Variants in PRKG1 observed in about 807,000 individuals in gnomAD.
PRKG1 encodes the protein protein kinase cGMP-dependent 1.
A neutral mutation model predicts 88.1 loss-of-function variants in PRKG1; 35 were observed. The ratio of observed to expected loss-of-function variants is 0.40; its 90% CI spans 0.30 to 0.53. The LOEUF is 0.53. Among genes scored for constraint, PRKG1 ranks in the 20% least tolerant of loss-of-function variants. PRKG1 has a pLI of 0.59. For missense variants in PRKG1, 540 were observed against 839.8 expected, an observed-to-expected ratio of 0.64 and a Z score of 4.41; for synonymous variants, 303 against 292.5, an observed-to-expected ratio of 1.04 and a Z score of -0.37.
At chr10:51,432,479 A>G (rs1191738142) in intron 2 of PRKG1, among the ~76,000 whole-genome samples, 1 of 152,176 alleles carries the variant, frequency 6.6e-6, no homozygotes, top group African/African-American at 2.4e-5. Context: ...TAAAGCACAC[A>G]AAAAAGTTGA....
At chr10:51,928,493 T>C (rs759941390) in intron 5 of PRKG1, among the ~76,000 whole-genome samples, 12 of 152,206 alleles carry the variant, frequency 7.9e-5, no homozygotes, top group African/African-American at 1.9e-4. Context: ...AAAGAAGCTA[T>C]TTGTAAGAAC....
chr10:51,845,867 G>A (rs1429105556), intron 4 of PRKG1, among the ~76,000 whole-genome samples: 2 of 151,988 alleles, frequency 1.3e-5, no homozygotes, highest in Non-Finnish European at 2.9e-5. Flanking sequence ...ACATGTTTGA[G>A]GTCCCCACAT....
intron 8 of PRKG1, among the ~76,000 whole-genome samples, chr10:52,134,368 C>A (rs1423001004): frequency 6.6e-6 from 1 of 152,068 alleles, no homozygotes; most frequent in Non-Finnish European, 1.5e-5. Context: ...ATAATAGAAG[C>A]ATTTAGGGAA....
At chr10:51,828,445 T>C (rs1223770654) in intron 4 of PRKG1, among the ~76,000 whole-genome samples, 1 of 152,174 alleles carries the variant, frequency 6.6e-6, no homozygotes, top group Non-Finnish European at 1.5e-5. Flanking sequence ...CATTTAAAGT[T>C]GTGTTAGGAA....
At chr10:51,652,004 TTA>T (rs1840051362) in intron 3 of PRKG1, among the ~76,000 whole-genome samples, 2 of 152,192 alleles carry the variant, frequency 1.3e-5, no homozygotes, top group African/African-American at 4.8e-5. Flanking sequence ...ATTATTTAGT[TTA>T]GAGAAGAGAT....
At chr10:52,272,304 C>A in intron 11 of PRKG1, 88 bp from the exon 12 acceptor site, 1 of 1,027,620 alleles carries the variant, frequency 9.7e-7, no homozygotes. Flanking sequence ...CTTGGCAAAT[C>A]AAAACTATAA....
intron 1 of PRKG1, among the ~76,000 whole-genome samples, chr10:51,098,175 A>G (rs556055608): frequency 2.0e-5 from 3 of 152,160 alleles, no homozygotes; most frequent in Non-Finnish European, 4.4e-5. Flanking sequence ...GTTTATGAGC[A>G]TGGCCCTTGA....
At chr10:51,621,241 T>C (rs570471456) in intron 3 of PRKG1, among the ~76,000 whole-genome samples, 2 of 152,000 alleles carry the variant, frequency 1.3e-5, no homozygotes, top group African/African-American at 4.8e-5. Context: ...AATCACTTTT[T>C]CTTTGTTGGC....
intron 3 of PRKG1, among the ~76,000 whole-genome samples, chr10:51,671,976 G>T (rs2132350561): frequency 6.6e-6 from 1 of 152,284 alleles, no homozygotes; most frequent in Middle Eastern, 3.4e-3. Flanking sequence ...ACATTCTGAG[G>T]AAGGACATAA....
intron 3 of PRKG1, among the ~76,000 whole-genome samples, chr10:51,561,623 A>C (rs1837463780): frequency 6.6e-6 from 1 of 151,996 alleles, no homozygotes; most frequent in Admixed American, 6.6e-5. Context: ...ATACAGGTTT[A>C]AAGGAGGAGG....
chr10:51,907,624 G>T (rs1842114615), intron 5 of PRKG1, 54 bp downstream of exon 5: 1 of 1,496,948 alleles, frequency 6.7e-7, no homozygotes, highest in South Asian at 1.1e-5. Context: ...CTGCTTGGCT[G>T]GCTTCTTTCA....
Position 51,562,991 on chromosome 10 carries a change from GCTGGTCTCTAACTC to G in PRKG1, c.592+95164_592+95177del, listed in dbSNP as rs1241671916. ...GACAGGGTCTCATTATGTTGCCCAG[GCTGGTCTCTAACTC>G]CTGGTCTCAAGTGATCCTCCCACCT... On this transcript the variant is annotated intron_variant, in intron 3 of 17. Transcript: ENST00000373980. Among the ~76,000 whole-genome samples the G allele has an allele frequency of 2.0e-5, 3 of 151,926 alleles. No homozygotes were observed. The East Asian group carries it at 5.8e-4, about 29-fold the overall frequency.
intron 3 of PRKG1, among the ~76,000 whole-genome samples, chr10:51,632,415 A>T (rs1171610403): frequency 6.6e-6 from 1 of 152,086 alleles, no homozygotes; most frequent in Non-Finnish European, 1.5e-5. Flanking sequence ...AATAGGCTGA[A>T]TTTTTTCCAA....
intron 5 of PRKG1, among the ~76,000 whole-genome samples, chr10:52,050,082 A>C (rs1217319177): frequency 6.6e-6 from 1 of 151,882 alleles, no homozygotes; most frequent in African/African-American, 2.4e-5. Flanking sequence ...GGTGGTGGTA[A>C]GGGTGGGTAT....
At chr10:51,347,171 G>A (rs1842131960) in intron 2 of PRKG1, among the ~76,000 whole-genome samples, 2 of 151,286 alleles carry the variant, frequency 1.3e-5, no homozygotes, top group Admixed American at 6.6e-5. Flanking sequence ...GCACACCCCT[G>A]GATCAATAAG....
chr10:51,197,025 T>C (rs1837786355), intron 2 of PRKG1, among the ~76,000 whole-genome samples: 1 of 152,114 alleles, frequency 6.6e-6, no homozygotes, highest in Non-Finnish European at 1.5e-5. Context: ...CACTTATGCC[T>C]TTTCCTCAAT....
intron 4 of PRKG1, among the ~76,000 whole-genome samples, chr10:51,820,912 A>G (rs1276873532): frequency 6.6e-6 from 1 of 152,188 alleles, no homozygotes; most frequent in Non-Finnish European, 1.5e-5. Flanking sequence ...GTACAGATCA[A>G]TGAATGTTTA....
At chr10:51,742,860 G>A (rs777333517) in intron 3 of PRKG1, among the ~76,000 whole-genome samples, 4 of 152,112 alleles carry the variant, frequency 2.6e-5, no homozygotes, top group Non-Finnish European at 1.5e-5. Context: ...CCTAGACCAG[G>A]AAAAGTTGGC....
At chr10:52,082,080 C>T (rs1250481600) in intron 7 of PRKG1, among the ~76,000 whole-genome samples, 1 of 152,076 alleles carries the variant, frequency 6.6e-6, no homozygotes, top group Non-Finnish European at 1.5e-5. Flanking sequence ...CAAACACATC[C>T]TTCTTCACAT....
Sources: gnomAD v4.1 joint callset for allele counts (sites outside exome capture counted in the v4.1 genomes callset) on GRCh38, gnomAD v4.1.1 for gene constraint, MANE v1.5 for transcripts, NCBI Gene and HGNC (gene_info 2026-07-23, HGNC 2026-07-21) for gene names.